The following NCOA3 variants were observed in gnomAD, a reference collection of about 807,000 sequenced individuals.
The protein encoded by NCOA3 is nuclear receptor coactivator 3.
Under a neutral mutation model 158.8 loss-of-function variants are expected in NCOA3, and 51 were observed. That is an observed-to-expected ratio of 0.32 (90% CI 0.26 to 0.41). The LOEUF (loss-of-function observed/expected upper bound fraction) is 0.41. Among genes scored for constraint, NCOA3 ranks in the 10% least tolerant of loss-of-function variants. NCOA3 has a pLI of 1.00. For missense variants in NCOA3, 1,510 were observed against 1,746.6 expected (o/e 0.86, Z 2.41); for synonymous variants, 537 against 592.4 (o/e 0.91, Z 1.36).
chr20:47,578,552 A>G (rs1034764231), intron 1 of NCOA3, among the ~76,000 whole-genome samples: 1 of 152,216 alleles, frequency 6.6e-6, no homozygotes, highest in African/African-American at 2.4e-5. Context: ...CTTTCATTAT[A>G]GCTACAGATT....
chr20:47,565,457 G>A (rs1236077005), intron 1 of NCOA3, among the ~76,000 whole-genome samples: 1 of 152,182 alleles, frequency 6.6e-6, no homozygotes, highest in African/African-American at 2.4e-5. Context: ...ACTCACATCT[G>A]TAATCCCAGC....
chr20:47,504,906 AAAAT>A (rs2084001754), intron 1 of NCOA3, among the ~76,000 whole-genome samples: 1 of 151,404 alleles, frequency 6.6e-6, no homozygotes, highest in Non-Finnish European at 1.5e-5. Context: ...AGAAAATTAA[AAAAT>A]AAATTTTAGT....
chr20:47,595,662 A>C (rs2085741671), intron 2 of NCOA3, among the ~76,000 whole-genome samples: 3 of 151,862 alleles, frequency 2.0e-5, no homozygotes, highest in Admixed American at 2.0e-4. Flanking sequence ...ATTTGATGCC[A>C]TGACATAAGG....
chr20:47,554,572 CAAAG>C (rs1053216840), intron 1 of NCOA3, among the ~76,000 whole-genome samples: 1 of 127,214 alleles, frequency 7.9e-6, no homozygotes, highest in African/African-American at 3.4e-5. Flanking sequence ...AACAGACAAA[CAAAG>C]AGCCAAATCA....
intron 1 of NCOA3, among the ~76,000 whole-genome samples, chr20:47,505,804 T>TTA (rs2084023424): frequency 6.8e-6 from 1 of 146,784 alleles, no homozygotes. Flanking sequence ...TTTCTCCTTT[T>TTA]TTTTTTTTTT....
intron 1 of NCOA3, among the ~76,000 whole-genome samples, chr20:47,567,101 G>A (rs759439211): frequency 7.2e-5 from 11 of 152,094 alleles, no homozygotes; most frequent in Non-Finnish European, 1.6e-4. Context: ...AGGCTGGAGT[G>A]CAGTGATGTG....
In NCOA3 at chr20:47,625,418, C is replaced by T. The variant is rs202244116; in HGVS notation, c.294C>T (p.Ala98=). The change falls in exon 5 of 23, where the codon GCC becomes GCT. Residue 98 remains alanine, a synonymous_variant. Transcript: ENST00000371998. ...TISNDDDVQK[A]DVSSTGQGVI... Reference sequence around the variant, plus strand: ...CCAATGATGATGATGTTCAAAAAGCCGATGTATCTTCTACAGGGCAGGGAG... The same window carrying T: ...CCAATGATGATGATGTTCAAAAAGCTGATGTATCTTCTACAGGGCAGGGAG... 176 of 1,613,462 alleles carry T rather than the reference C, an allele frequency of 1.1e-4. No homozygotes were observed. Among genetic ancestry groups the T allele is most frequent in the South Asian group, 2.2e-5 (2 of 91,076 alleles).
At chr20:47,503,550 A>G (rs947426465) in intron 1 of NCOA3, among the ~76,000 whole-genome samples, 4 of 152,178 alleles carry the variant, frequency 2.6e-5, no homozygotes, top group Non-Finnish European at 5.9e-5. Flanking sequence ...ATTTGAAACC[A>G]CTTCTGTTGG....
chr20:47,625,611 T>G, intron 5 of NCOA3, 130 bp downstream of exon 5: 2 of 663,918 alleles, frequency 3.0e-6, no homozygotes, highest in South Asian at 3.5e-5. Flanking sequence ...TTTGAGACAG[T>G]TCAGTATTCT....
At chr20:47,509,244 AT>A (rs1306508139) in intron 1 of NCOA3, among the ~76,000 whole-genome samples, 2 of 152,054 alleles carry the variant, frequency 1.3e-5, no homozygotes, top group Non-Finnish European at 2.9e-5. Context: ...GGAAAAAAAA[AT>A]TAGCCGGGCA....
intron 1 of NCOA3, among the ~76,000 whole-genome samples, chr20:47,509,007 C>T (rs149598485): frequency 9.4e-4 from 143 of 152,278 alleles, no homozygotes; most frequent in African/African-American, 3.2e-3. Flanking sequence ...ATGTACAATG[C>T]TCTTTTACTT....
chr20:47,608,907 C>T (rs566863360), intron 2 of NCOA3, among the ~76,000 whole-genome samples: 131 of 152,238 alleles, frequency 8.6e-4, no homozygotes, highest in African/African-American at 2.9e-3. Flanking sequence ...TGCTTAAATA[C>T]GGAGGAGGTC....
At chr20:47,589,742 C>T (rs535773696) in intron 2 of NCOA3, among the ~76,000 whole-genome samples, 1 of 152,022 alleles carries the variant, frequency 6.6e-6, no homozygotes, top group South Asian at 2.1e-4. Context: ...ATACAATACC[C>T]TCTCCACCAG....
chr20:47,557,347 C>A (rs2085023069), intron 1 of NCOA3, among the ~76,000 whole-genome samples: 1 of 152,168 alleles, frequency 6.6e-6, no homozygotes, highest in African/African-American at 2.4e-5. Flanking sequence ...GTGTCAGGTG[C>A]TTAACTTGGC....
chr20:47,565,979 T>A (rs558384966), intron 1 of NCOA3, among the ~76,000 whole-genome samples: 5 of 152,132 alleles, frequency 3.3e-5, no homozygotes, highest in South Asian at 2.1e-4. Context: ...CATTTAAAAA[T>A]TTTTTTTTAT....
intron 1 of NCOA3, among the ~76,000 whole-genome samples, chr20:47,567,753 T>A (rs2085222611): frequency 6.6e-6 from 1 of 152,162 alleles, no homozygotes; most frequent in Admixed American, 6.5e-5. Flanking sequence ...GTATTTTTAG[T>A]AGAGACGGGG....
chr20:47,636,111 C>T lies in NCOA3; in HGVS notation c.1725C>T (p.Cys575=), dbSNP rs368779000. Residue 575 remains cysteine, a synonymous_variant, in exon 12 of 23, where the codon TGC becomes TGT. Coordinates refer to ENST00000371998, the MANE Select transcript of NCOA3 (RefSeq NM_181659.3). ...QDSKSPLGFY[C]DQNPVESSMC... is the part of the protein sequence containing the mutation. ...CCAAGAGTCCTCTGGGCTTTTATTG[C>T]GACCAAAATCCAGTGGAGAGTTCAA... The T allele has an allele frequency of 1.0e-4, 164 of 1,614,006 alleles. No homozygotes were observed. The highest frequency in any genetic ancestry group is 5.9e-4 in the South Asian group (54 of 91,088).
At position 47,544,757 on chromosome 20, in the gene NCOA3, G is replaced by T. The variant is rs374313802; in HGVS notation, c.-98-38426G>T. ...CATACTTCAGTTTATGGATAGTTGT[G>T]CTCTAGCTACAATGTTGGAACATAT... is the stretch of plus-strand genomic sequence containing the variant. On this transcript the variant is annotated intron_variant, in intron 1 of 22. Coordinates refer to ENST00000371998, the MANE Select transcript of NCOA3 (RefSeq NM_181659.3). 5.9e-5 allele frequency among the ~76,000 whole-genome samples: 9 copies of T among 151,942 alleles called. No individual in the cohort carries two copies. In the South Asian group the frequency reaches 1.7e-3, roughly 28 times the overall value.
rs942965506 is a variant in NCOA3, at chr20:47,636,489, T to C, written c.2103T>C (p.Ile701=). ...NGNSPAEVAK[I]TAEATGKDTS... ...ATTCACCAGCTGAGGTAGCCAAGATTACTGCAGAAGCCACTGGGAAAGACA... is the reference window on the plus strand; with the variant it reads ...ATTCACCAGCTGAGGTAGCCAAGATCACTGCAGAAGCCACTGGGAAAGACA... The change falls in exon 12 of 23, where the codon ATT becomes ATC. Residue 701 remains isoleucine (I), a synonymous_variant. Coordinates refer to ENST00000371998, the MANE Select transcript of NCOA3 (RefSeq NM_181659.3). The C allele has an allele frequency of 8.7e-6, 14 of 1,614,024 alleles. No homozygotes were observed. The African/African-American group carries it at 1.7e-4, about 20-fold the overall frequency.
Sources: allele counts gnomAD v4.1 joint callset (sites outside exome capture counted in the v4.1 genomes callset), GRCh38; gene constraint gnomAD v4.1.1; transcripts MANE v1.5; gene names NCBI Gene and HGNC (gene_info 2026-07-23, HGNC 2026-07-21).